The following IMMP2L variants were observed in gnomAD, a reference collection of about 807,000 sequenced individuals.
IMMP2L encodes the protein mitochondrial inner membrane protease subunit 2.
IMMP2L carries 18 observed loss-of-function variants against 19.3 expected under a neutral mutation model. The observed-to-expected ratio is 0.93, with a 90% CI of 0.64 to 1.38. The LOEUF (loss-of-function observed/expected upper bound fraction) is 1.38, where lower values mean the gene tolerates loss of function less well. Among genes scored for constraint, IMMP2L ranks in the 40% most tolerant of loss-of-function variants. The pLI is 0.00. For missense variants in IMMP2L, 233 were observed against 218.2 expected (o/e 1.07, Z -0.43); for synonymous variants, 76 against 73.0 (o/e 1.04, Z -0.21).
chr7:111,240,410 T>A (rs1452022759), intron 3 of IMMP2L, among the ~76,000 whole-genome samples: 1 of 152,118 alleles, frequency 6.6e-6, no homozygotes, highest in South Asian at 2.1e-4. Context: ...GTGTTAGAGA[T>A]GTTTACAACA....
intron 3 of IMMP2L, among the ~76,000 whole-genome samples, chr7:111,442,567 C>T (rs1031996908): frequency 3.3e-5 from 5 of 151,684 alleles, no homozygotes; most frequent in African/African-American, 1.2e-4. Flanking sequence ...CTACAAGATA[C>T]ATCTCAAACC....
intron 4 of IMMP2L, among the ~76,000 whole-genome samples, chr7:110,926,862 T>C (rs541268900): frequency 5.3e-5 from 8 of 152,288 alleles, no homozygotes; most frequent in African/African-American, 1.7e-4. Flanking sequence ...AAAAGTTTTA[T>C]TTACTTGTTA....
At chr7:110,976,093 T>A (rs1231830818) in intron 3 of IMMP2L, among the ~76,000 whole-genome samples, 1 of 152,066 alleles carries the variant, frequency 6.6e-6, no homozygotes, top group Non-Finnish European at 1.5e-5. Context: ...ATCTTTTGAA[T>A]TTCTTCAGCC....
intron 3 of IMMP2L, among the ~76,000 whole-genome samples, chr7:111,059,482 C>A (rs12705753): frequency 0.77 from 116,700 of 152,070 alleles, 47,752 homozygotes; most frequent in Non-Finnish European, 0.9. Context: ...GTGACAAAAG[C>A]CTGTAGTTCT....
chr7:110,668,252 C>G (rs1322957043), intron 5 of IMMP2L, among the ~76,000 whole-genome samples: 1 of 152,164 alleles, frequency 6.6e-6, no homozygotes, highest in African/African-American at 2.4e-5. Context: ...TGAATGTATT[C>G]CAGAACATCC....
At chr7:111,482,693 T>C (rs937857123) in intron 3 of IMMP2L, among the ~76,000 whole-genome samples, 5 of 152,150 alleles carry the variant, frequency 3.3e-5, no homozygotes, top group Admixed American at 2.6e-4. Flanking sequence ...TCTGCCCCTG[T>C]GGTATCCACC....
intron 5 of IMMP2L, among the ~76,000 whole-genome samples, chr7:110,699,437 A>G (rs1205665545): frequency 6.6e-6 from 1 of 152,160 alleles, no homozygotes; most frequent in African/African-American, 2.4e-5. Context: ...CCTTGAGTAC[A>G]GGTAGAACCT....
chr7:110,891,585 C>T (rs1810803754), intron 4 of IMMP2L, among the ~76,000 whole-genome samples: 1 of 152,128 alleles, frequency 6.6e-6, no homozygotes, highest in Non-Finnish European at 1.5e-5. Context: ...ATTAGACTCC[C>T]ACAAACTTCA....
intron 3 of IMMP2L, among the ~76,000 whole-genome samples, chr7:111,185,042 T>G (rs1586731853): frequency 6.6e-6 from 1 of 152,292 alleles, no homozygotes; most frequent in East Asian, 1.9e-4. Context: ...GTACCTTTGT[T>G]GCTGATCTGT....
intron 5 of IMMP2L, among the ~76,000 whole-genome samples, chr7:110,694,739 A>G (rs569770883): frequency 5.3e-5 from 8 of 152,238 alleles, no homozygotes; most frequent in Non-Finnish European, 1.0e-4. Flanking sequence ...GTATATATCA[A>G]GAATTGAAAA....
chr7:111,236,603 T>C (rs1239097574), intron 3 of IMMP2L, among the ~76,000 whole-genome samples: 4 of 152,148 alleles, frequency 2.6e-5, no homozygotes, highest in African/African-American at 9.7e-5. Flanking sequence ...GGTCCTCAGC[T>C]GAGGGCTGTA....
chr7:111,122,085 G>C (rs183601797), intron 3 of IMMP2L, among the ~76,000 whole-genome samples: 1 of 132,886 alleles, frequency 7.5e-6, no homozygotes, highest in African/African-American at 2.8e-5. Context: ...GTTGTGGGGT[G>C]GGGGGAGGGA....
At chr7:111,380,878 C>T (rs1174839018) in intron 3 of IMMP2L, among the ~76,000 whole-genome samples, 4 of 151,110 alleles carry the variant, frequency 2.6e-5, no homozygotes, top group Admixed American at 6.6e-5. Context: ...GTATTCTCCA[C>T]AAAAAAGTAA....
intron 3 of IMMP2L, among the ~76,000 whole-genome samples, chr7:111,158,088 A>G (rs976993016): frequency 3.3e-5 from 5 of 151,976 alleles, no homozygotes; most frequent in Non-Finnish European, 5.9e-5. Flanking sequence ...CTTGTGAGCT[A>G]GAAACTCTCA....
At chr7:111,218,231 C>A (rs1475244937) in intron 3 of IMMP2L, among the ~76,000 whole-genome samples, 3 of 152,042 alleles carry the variant, frequency 2.0e-5, no homozygotes, top group Admixed American at 1.3e-4. Context: ...TTATGCAAGA[C>A]ATCACCAGAC....
intron 3 of IMMP2L, among the ~76,000 whole-genome samples, chr7:111,113,790 A>G (rs1397939219): frequency 6.6e-6 from 1 of 152,180 alleles, no homozygotes; most frequent in East Asian, 1.9e-4. Context: ...GGGAATTTCC[A>G]AATCTAGTTG....
chr7:110,835,647 ATT>A (rs113965754), intron 5 of IMMP2L, among the ~76,000 whole-genome samples: 19 of 149,754 alleles, frequency 1.3e-4, no homozygotes, highest in East Asian at 2.0e-4. Flanking sequence ...ACTCAGTAGC[ATT>A]TTTTTTTTTC....
chr7:111,466,338 T>C lies in IMMP2L; in HGVS notation c.239+20900A>G, dbSNP rs181778601. ...TGCACATGTACCCTAAAACTTAAAG[T>C]ATAATAAAAAAAATTATCAAATTTA... is the stretch of plus-strand genomic sequence containing the variant. On this transcript the variant is annotated intron_variant, in intron 3 of 5. Transcript: ENST00000405709. 5.8e-4 allele frequency among the ~76,000 whole-genome samples: 88 copies of C among 152,178 alleles called. 2 individuals are homozygous for C. Among genetic ancestry groups the C allele is most frequent in the African/African-American group, 2.0e-3 (82 of 41,536 alleles).
chr7:110,909,192 T>C (rs533976101), intron 4 of IMMP2L, among the ~76,000 whole-genome samples: 10 of 152,082 alleles, frequency 6.6e-5, no homozygotes, highest in Non-Finnish European at 1.5e-4. Flanking sequence ...AGGAACACAG[T>C]ATGAAATGAG....
Sources: gnomAD v4.1 joint callset for allele counts (sites outside exome capture counted in the v4.1 genomes callset) on GRCh38, gnomAD v4.1.1 for gene constraint, MANE v1.5 for transcripts, NCBI Gene and HGNC (gene_info 2026-07-23, HGNC 2026-07-21) for gene names.